PXDN: variants seen among roughly 807,000 people sequenced by gnomAD.
PXDN encodes peroxidasin.
Under a neutral mutation model 140.3 loss-of-function variants are expected in PXDN, and 77 were observed. The observed-to-expected ratio is 0.55, with a 90% CI of 0.46 to 0.66. PXDN has a LOEUF of 0.66. Ranked by LOEUF, PXDN falls within the 30% of genes least tolerant of loss-of-function variation. PXDN has a pLI of 0.00. For missense variants in PXDN, 1,838 were observed against 2,039.5 expected, an observed-to-expected ratio of 0.90 and a Z score of 1.90; for synonymous variants, 911 against 857.4, an observed-to-expected ratio of 1.06 and a Z score of -1.09.
intron 1 of PXDN, among the ~76,000 whole-genome samples, chr2:1,712,709 C>G (rs4853844): frequency 0.071 from 10,812 of 152,178 alleles, 518 homozygotes; most frequent in Non-Finnish European, 0.1. Flanking sequence ...GCAGGGAAAC[C>G]GTTATTCTTA....
At chr2:1,743,806 C>T (rs1215113105) in intron 1 of PXDN, among the ~76,000 whole-genome samples, 2 of 129,174 alleles carry the variant, frequency 1.5e-5, no homozygotes, top group African/African-American at 2.9e-5. Context: ...GGCTGCGCCG[C>T]GCTCGGGGAG....
At position 1,639,204 on chromosome 2, in the gene PXDN, C is replaced by A; in HGVS notation, c.4073+98G>T. The stretch of plus-strand genomic sequence containing the variant: ...CTGGGACGTCCCTGCCAGGAACCAT[C>A]CTCGCCACAGGCCCACAGCAGGATG... On this transcript the variant is annotated intron_variant, in intron 20 of 22. Coordinates refer to ENST00000252804, the MANE Select transcript of PXDN (RefSeq NM_012293.3). This position sits in a 1 kb window ranked among gnomAD's most constrained non-coding sequence, Gnocchi z 5.0. The A allele has an allele frequency of 6.5e-7, 1 of 1,528,860 alleles. No homozygotes were observed. Among genetic ancestry groups the A allele is most frequent in the Non-Finnish European group, 8.8e-7 (1 of 1,134,386 alleles). 94.7% of individuals were successfully genotyped at this position (1,528,860 alleles called of 1,614,324 possible). A position where few individuals can be genotyped will look rare whatever the true frequency, so the allele number is the denominator to read the frequency against.
Position 1,677,791 on chromosome 2 carries a change from T to A in PXDN, c.731-747A>T, listed in dbSNP as rs555270413. Among the ~76,000 whole-genome samples the A allele has an allele frequency of 2.4e-3, 359 of 152,350 alleles. 1 individual carries two copies. The highest frequency in any genetic ancestry group is 4.3e-3 in the Non-Finnish European group (294 of 68,026). On this transcript the variant is annotated intron_variant, in intron 7 of 22. Transcript: ENST00000252804. ...CCAAGGGCAGGCCTAGGCTTCCATC[T>A]CTGCCTCGTCACCTCAGTGTGCGAA... is the stretch of plus-strand genomic sequence containing the variant.
chr2:1,663,610 G>C lies in PXDN; in HGVS notation c.1562C>G (p.Pro521Arg), dbSNP rs1683358955. 6.2e-7 allele frequency: 1 copy of C among 1,613,926 alleles called. No homozygotes were observed. The highest frequency in any genetic ancestry group is 8.5e-7 in the Non-Finnish European group (1 of 1,179,890). ...CACAACCTCCTGGCACCTACCTCTG[G>C]GCTGCACAGTCAGGTGGGCCACGAC... ...QKVVAHLTVQ[P>R]RVTPVFASIP... Residue 521 changes from proline (P) to arginine (R), a missense_variant, in exon 12 of 23, where the codon CCC becomes CGC. Physicochemically the swap from Pro to Arg is moderately radical, Grantham distance 103. Around this residue, in one of 5 missense-constraint regions of PXDN, gnomAD observed 537 missense variants for 583.9 expected, o/e 0.92. Coordinates refer to ENST00000252804, the MANE Select transcript of PXDN (RefSeq NM_012293.3).
chr2:1,710,603 A>ACTCTCCACTAGCACC (rs1684734387), intron 1 of PXDN, among the ~76,000 whole-genome samples: 1 of 86,192 alleles, frequency 1.2e-5, no homozygotes. Context: ...ACCAGCACCC[A>ACTCTCCACTAGCACC]CTCTCCACCA....
chr2:1,735,468 A>C (rs968537289), intron 1 of PXDN, among the ~76,000 whole-genome samples: 2 of 152,248 alleles, frequency 1.3e-5, no homozygotes, highest in African/African-American at 4.8e-5. Context: ...GTTTTGTGTT[A>C]GCAGCCATGA....
chr2:1,719,012 G>A (rs774927998), intron 1 of PXDN, among the ~76,000 whole-genome samples: 26 of 152,252 alleles, frequency 1.7e-4, no homozygotes, highest in Admixed American at 7.2e-4. Flanking sequence ...TGACAGCCAC[G>A]CAAGGTCCCT....
At chr2:1,702,630 T>G (rs1166666053) in intron 1 of PXDN, among the ~76,000 whole-genome samples, 5 of 152,102 alleles carry the variant, frequency 3.3e-5, no homozygotes, top group African/African-American at 1.2e-4. Flanking sequence ...TGTTTTCTTT[T>G]GGTTTTGTTT....
Position 1,680,291 on chromosome 2 carries a change from G to A in PXDN, c.632C>T (p.Ala211Val), listed in dbSNP as rs187946539. 157 of 1,613,978 alleles carry A rather than the reference G, an allele frequency of 9.7e-5. No individual in the cohort carries two copies. The African/African-American group carries it at 1.4e-3, about 15-fold the overall frequency. Reference protein sequence around the residue: ...LWLADLLKTYAESGNAQAAAI... With the variant: ...LWLADLLKTYVESGNAQAAAI... ...CGCTGCCTGCGCGTTCCCCGACTCCGCGTAGGTTTTCAGCAAATCCGCCAA... is the reference window on the plus strand; with the variant it reads ...CGCTGCCTGCGCGTTCCCCGACTCCACGTAGGTTTTCAGCAAATCCGCCAA... The change falls in exon 7 of 23, where the codon GCG becomes GTG. Residue 211 changes from alanine (A) to valine (V), a missense_variant. Ala to Val is a moderately conservative substitution (Grantham distance 64). Around this residue, in one of 5 missense-constraint regions of PXDN, gnomAD observed 208 missense variants for 325.8 expected, o/e 0.64. Coordinates refer to ENST00000252804, the MANE Select transcript of PXDN (RefSeq NM_012293.3).
intron 12 of PXDN, 130 bp downstream of exon 12, chr2:1,663,462 AGCACAATGACGGT>A: frequency 1.7e-6 from 2 of 1,146,886 alleles, no homozygotes; most frequent in South Asian, 1.5e-5. Flanking sequence ...TGGGGGCACA[AGCACAATGACGGT>A]GCACAAAATG....
chr2:1,685,666 T>C lies in PXDN; in HGVS notation c.417-1515A>G, dbSNP rs979391178. ...CCACGGAGAGCGATGGGTGTAAAAA[T>C]CCCTCCACCCAGACTGCAATGCAGG... On this transcript the variant is annotated intron_variant, in intron 4 of 22. Transcript: ENST00000252804. The surrounding 1 kb of genome is among the most constrained non-coding windows in gnomAD (Gnocchi z 5.1). 4.6e-5 allele frequency among the ~76,000 whole-genome samples: 7 copies of C among 151,778 alleles called. No homozygotes were observed. The highest frequency in any genetic ancestry group is 1.7e-4 in the African/African-American group (7 of 41,298).
At chr2:1,692,961 C>T in intron 2 of PXDN, 102 bp downstream of exon 2, 1 of 1,159,200 alleles carries the variant, frequency 8.6e-7, no homozygotes, top group South Asian at 1.4e-5. Flanking sequence ...CCACTTTTCC[C>T]CACCCAAGCC....
rs992906450 is a variant in PXDN at position 1,634,143 on chromosome 2, C to T, written c.*61G>A. On this transcript the variant is annotated 3_prime_UTR_variant, in exon 23 of 23. Transcript: ENST00000252804. The stretch of plus-strand genomic sequence containing the variant: ...CTGGTCTGCAGTCCGCAGCTCCCTG[C>T]CATCGGCCACCCGATCTCACGATGG... 25 of 1,541,696 alleles carry T rather than the reference C, an allele frequency of 1.6e-5. No homozygotes were observed. Among genetic ancestry groups the T allele is most frequent in the Non-Finnish European group, 2.2e-5 (25 of 1,140,058 alleles).
Position 1,648,276 on chromosome 2 carries a change from T to C in PXDN, c.3504A>G (p.Pro1168=). 6.2e-7 allele frequency: 1 copy of C among 1,613,824 alleles called. No homozygotes were observed. The highest frequency in any genetic ancestry group is 8.5e-7 in the Non-Finnish European group (1 of 1,179,852). Residue 1168 remains proline, a synonymous_variant, in exon 17 of 23, where the codon CCA becomes CCG. Transcript: ENST00000252804. The surrounding 1 kb of genome is among the most constrained non-coding windows in gnomAD (Gnocchi z 8.9). ...NIQRGRDHGI[P]PYHDYRVYCN... ...AGTAGACCCTGTAGTCGTGGTAGGG[T>C]GGGATCCCGTGGTCCCGGCCCCGCT... is the stretch of plus-strand genomic sequence containing the variant.
chr2:1,684,755 T>C (rs745909693), intron 4 of PXDN, among the ~76,000 whole-genome samples: 1 of 152,246 alleles, frequency 6.6e-6, no homozygotes, highest in Non-Finnish European at 1.5e-5. Context: ...TTTCTATTTC[T>C]TTCCATTTAC....
rs765363999 is a variant in PXDN, at chr2:1,653,755, G to A, written c.1977C>T (p.Ala659=). ...AAGGATCCCTCGGATACCGGAACAA[G>A]GCCAGCAAATCATTTGGAGAACGAG... ...SRPRSPNDLL[A]LFRYPRDPYT... Residue 659 remains alanine (A), a synonymous_variant, in exon 16 of 23, where the codon GCC becomes GCT. Transcript: ENST00000252804. The A allele has an allele frequency of 1.3e-6, 2 of 1,587,986 alleles. No individual in the cohort carries two copies. Among genetic ancestry groups the A allele is most frequent in the Non-Finnish European group, 1.7e-6 (2 of 1,166,200 alleles).
rs1290177506 is a variant in PXDN at position 1,633,155 on chromosome 2, G to A, written c.*1049C>T. ...CACGCATTTTAAAAATACAAATGAG[G>A]TATAGGGATTCTTTTTTTTTTTTTT... is the stretch of plus-strand genomic sequence containing the variant. On this transcript the variant is annotated 3_prime_UTR_variant, in exon 23 of 23. Coordinates refer to ENST00000252804, the MANE Select transcript of PXDN (RefSeq NM_012293.3). 7.0e-6 allele frequency: 1 copy of A among 142,550 alleles called. No individual in the cohort carries two copies. The highest frequency in any genetic ancestry group is 7.7e-5 in the Admixed American group (1 of 12,962). 8.8% of individuals were successfully genotyped at this position (142,550 alleles called of 1,614,324 possible).
rs202182753 is a variant in PXDN, at chr2:1,646,922, T to TG, written c.3608+1249dup. On this transcript the variant is annotated intron_variant, in intron 17 of 22. Coordinates refer to ENST00000252804, the MANE Select transcript of PXDN (RefSeq NM_012293.3). ...TTTATTTATTATTATTTGATTGAGATGGGGTCTCTGTCACTCAGGCTGGAG... is the reference window on the plus strand; with the variant it reads ...TTTATTTATTATTATTTGATTGAGATGGGGGTCTCTGTCACTCAGGCTGGAG... Among the ~76,000 whole-genome samples the TG allele has an allele frequency of 6.2e-3, 950 of 152,262 alleles. 10 individuals are homozygous for TG. Among genetic ancestry groups the TG allele is most frequent in the African/African-American group, 0.022 (914 of 41,546 alleles).
At chr2:1,703,378 G>GGACAACTCCCGGTGAAGGAGA in intron 1 of PXDN, among the ~76,000 whole-genome samples, 1 of 49,020 alleles carries the variant, frequency 2.0e-5, no homozygotes, top group African/African-American at 9.9e-5. Context: ...GTGAAGTGGG[G>GGACAACTCCCGGTGAAGGAGA]GACAGCTCCA....
Sources: allele counts gnomAD v4.1 joint callset (sites outside exome capture counted in the v4.1 genomes callset), GRCh38; gene constraint gnomAD v4.1.1; regional missense constraint gnomAD v4.1.1; non-coding constraint Gnocchi (gnomAD v3.1); transcripts MANE v1.5; gene names NCBI Gene and HGNC (gene_info 2026-07-23, HGNC 2026-07-21).